ABCC9: variants seen among roughly 807,000 people sequenced by gnomAD.
ABCC9 encodes the protein ATP-binding cassette sub-family C member 9.
ABCC9 carries 95 observed loss-of-function variants against 188.3 expected under a neutral mutation model. That is an observed-to-expected ratio of 0.50 (90% CI 0.43 to 0.60). The LOEUF (loss-of-function observed/expected upper bound fraction) is 0.60. ABCC9 is among the 20% of genes least tolerant of loss of function. The pLI is 0.00. For missense variants in ABCC9, 1,102 were observed against 1,876.3 expected (o/e 0.59, Z 7.62); for synonymous variants, 659 against 652.7 (o/e 1.01, Z -0.15).
At chr12:21,836,451 A>G (rs1378287582) in intron 30 of ABCC9, among the ~76,000 whole-genome samples, 5 of 152,126 alleles carry the variant, frequency 3.3e-5, no homozygotes, top group Non-Finnish European at 4.4e-5. Context: ...ATATTTTCAC[A>G]CATCTGTTAT....
intron 39 of ABCC9, chr12:21,805,254 A>C: frequency 6.2e-7 from 1 of 1,614,058 alleles, no homozygotes; most frequent in Non-Finnish European, 8.5e-7. Context: ...CACTCCACTA[A>C]AATACCCTCA....
chr12:21,891,487 T>C (rs1322226002), intron 14 of ABCC9, among the ~76,000 whole-genome samples: 1 of 152,150 alleles, frequency 6.6e-6, no homozygotes, highest in African/African-American at 2.4e-5. Context: ...ACAATCTGAA[T>C]CACACCTGCC....
In ABCC9 at chr12:21,800,489, C is replaced by G. The variant is rs1941377521; in HGVS notation, c.*555G>C. ...AGAATAAGTATAAGTGTGATAACTT[C>G]TTGGTGACAAGAAACAAAAGGGAAA... On this transcript the variant is annotated 3_prime_UTR_variant, in exon 40 of 40. Transcript: ENST00000261200. 1 of 155,342 alleles carries G rather than the reference C, an allele frequency of 6.4e-6. No homozygotes were observed. Among genetic ancestry groups the G allele is most frequent in the Admixed American group, 6.3e-5 (1 of 15,772 alleles). The allele number at this position is 155,342 out of a possible 1,614,324, so 9.6% of individuals were successfully genotyped here.
At chr12:21,891,752 G>C (rs939238647) in intron 14 of ABCC9, among the ~76,000 whole-genome samples, 1 of 152,134 alleles carries the variant, frequency 6.6e-6, no homozygotes, top group Non-Finnish European at 1.5e-5. Context: ...ATTGCAGTGA[G>C]GGATTTAGAA....
rs1487540100 is a variant in ABCC9 at position 21,814,637 on chromosome 12, A to T, written c.4102+7T>A. The T allele has an allele frequency of 1.9e-6, 3 of 1,613,530 alleles. No individual in the cohort carries two copies. The highest frequency in any genetic ancestry group is 8.5e-7 in the Non-Finnish European group (1 of 1,179,546). On this transcript the variant is annotated splice_region_variant and intron_variant, in intron 35 of 39. Coordinates refer to ENST00000261200, the MANE Select transcript of ABCC9 (RefSeq NM_020297.4). ...TGGCCACTTAAAAAATTTAGTTAGC[A>T]ACTCACCATCAAATATATCAACCAT...
chr12:21,835,919 C>G (rs568947873), intron 30 of ABCC9, among the ~76,000 whole-genome samples: 116 of 152,288 alleles, frequency 7.6e-4, no homozygotes, highest in African/African-American at 2.6e-3. Flanking sequence ...CTTCTCCAAT[C>G]CTCCACATCA....
chr12:21,810,505 G>C (rs568421816), intron 36 of ABCC9, among the ~76,000 whole-genome samples: 8 of 152,244 alleles, frequency 5.3e-5, no homozygotes, highest in Admixed American at 1.3e-4. Context: ...GGTAGAAGGG[G>C]AAGCAAACAT....
rs765275705 is a variant in ABCC9 at position 21,910,171 on chromosome 12, C to T, written c.1306G>A (p.Ala436Thr). 9.9e-6 allele frequency: 16 copies of T among 1,610,864 alleles called. No homozygotes were observed. Reference protein sequence around the residue: ...WFLFLCPNLWAMPVQIIMGVI... With the variant: ...WFLFLCPNLWTMPVQIIMGVI... ...TATCTACCTACCTGAACAGGCATAGCCCATAGATTGGGACACAGGAACAAA... is the reference window on the plus strand; with the variant it reads ...TATCTACCTACCTGAACAGGCATAGTCCATAGATTGGGACACAGGAACAAA... Residue 436 changes from alanine (A) to threonine (T), a missense_variant, in exon 10 of 40, where the codon GCT (alanine) becomes ACT (threonine). Transcript: ENST00000261200.
At chr12:21,802,802 A>C (rs187867558) in intron 39 of ABCC9, among the ~76,000 whole-genome samples, 2 of 152,184 alleles carry the variant, frequency 1.3e-5, no homozygotes, top group Admixed American at 1.3e-4. Context: ...CCAAAGTCCT[A>C]CCTAAAACCA....
intron 36 of ABCC9, among the ~76,000 whole-genome samples, chr12:21,810,576 TA>T: frequency 6.6e-6 from 1 of 152,082 alleles, no homozygotes; most frequent in Non-Finnish European, 1.5e-5. Context: ...AAGCCCCTTA[TA>T]AAACCATCAG....
At chr12:21,830,315 G>T (rs1412741264) in intron 30 of ABCC9, among the ~76,000 whole-genome samples, 1 of 152,078 alleles carries the variant, frequency 6.6e-6, no homozygotes, top group African/African-American at 2.4e-5. Context: ...TGGAAGGCTG[G>T]ATAATATAAT....
At position 21,910,110 on chromosome 12, in the gene ABCC9, T is replaced by G. The variant is rs201221779; in HGVS notation, c.1320+47A>C. The G allele has an allele frequency of 2.6e-6, 4 of 1,552,590 alleles. No homozygotes were observed. The East Asian group carries it at 9.0e-5, about 35-fold the overall frequency. ...CTAAATACATTACTGCTTTTTTTGT[T>G]TTATTTCCTCTGCAGACAAAAATCT... On this transcript the variant is annotated intron_variant, in intron 10 of 39. Coordinates refer to ENST00000261200, the MANE Select transcript of ABCC9 (RefSeq NM_020297.4).
intron 4 of ABCC9, among the ~76,000 whole-genome samples, chr12:21,931,639 C>T (rs1949292915): frequency 6.6e-6 from 1 of 152,076 alleles, no homozygotes; most frequent in African/African-American, 2.4e-5. Flanking sequence ...ACATATCAAC[C>T]AGAGGAGTCT....
intron 7 of ABCC9, among the ~76,000 whole-genome samples, chr12:21,914,655 G>C (rs1948459997): frequency 6.6e-6 from 1 of 152,004 alleles, no homozygotes; most frequent in African/African-American, 2.4e-5. Flanking sequence ...AATATTACGT[G>C]GTAATGGATT....
chr12:21,849,766 C>T (rs2137424904), intron 24 of ABCC9, among the ~76,000 whole-genome samples: 1 of 152,198 alleles, frequency 6.6e-6, no homozygotes, highest in East Asian at 1.9e-4. Flanking sequence ...ATTCACTGGG[C>T]CAGGCCAGGT....
At position 21,802,524 on chromosome 12, in the gene ABCC9, T is replaced by C. The variant is rs376453608; in HGVS notation, c.4513-1343A>G. Among the ~76,000 whole-genome samples, 3 of 152,332 alleles carry C rather than the reference T, an allele frequency of 2.0e-5. No individual in the cohort carries two copies. The East Asian group carries it at 5.8e-4, about 29-fold the overall frequency. The stretch of plus-strand genomic sequence containing the variant: ...TTATCATTTCAATATGTAACCAATA[T>C]AAAAATGATTCATGATAACTTTTAC... On this transcript the variant is annotated intron_variant, in intron 39 of 39. Transcript: ENST00000261200.
At chr12:21,872,866 C>A in intron 17 of ABCC9, 136 bp from the exon 18 acceptor site, 1 of 678,834 alleles carries the variant, frequency 1.5e-6, no homozygotes, top group Non-Finnish European at 2.7e-6. Context: ...GTATTCTAAA[C>A]AGCTCCTTTC....
chr12:21,860,435 TGA>T (rs1160719683), intron 21 of ABCC9, among the ~76,000 whole-genome samples: 1 of 152,190 alleles, frequency 6.6e-6, no homozygotes, highest in Non-Finnish European at 1.5e-5. Flanking sequence ...AGATTTGTTG[TGA>T]AAGTAGATAA....
intron 15 of ABCC9, among the ~76,000 whole-genome samples, chr12:21,883,459 A>C (rs184571787): frequency 1.3e-5 from 2 of 152,292 alleles, no homozygotes; most frequent in East Asian, 3.9e-4. Context: ...TTTGCCTTCC[A>C]CCATGTTTGT....
Sources: allele counts gnomAD v4.1 joint callset (sites outside exome capture counted in the v4.1 genomes callset), GRCh38; gene constraint gnomAD v4.1.1; transcripts MANE v1.5; gene names NCBI Gene and HGNC (gene_info 2026-07-23, HGNC 2026-07-21).